Variants in P3H2 observed in about 807,000 individuals in gnomAD.
The protein encoded by P3H2 is prolyl 3-hydroxylase 2, also known as leprecan-like 1.
P3H2 carries 80 observed loss-of-function variants against 87.0 expected under a neutral mutation model. The ratio of observed to expected loss-of-function variants is 0.92; its 90% CI spans 0.77 to 1.11. P3H2 has a LOEUF of 1.11. Ranked by LOEUF, P3H2 falls within the 50% of genes least tolerant of loss-of-function variation. The pLI, the probability that P3H2 is intolerant of heterozygous loss-of-function variation, is 0.00. For synonymous variants in P3H2, 367 were observed against 359.3 expected (o/e 1.02, Z -0.24); for missense variants, 1,001 against 923.9 (o/e 1.08, Z -1.08).
At chr3:189,975,455 G>T (rs963435098) in intron 8 of P3H2, among the ~76,000 whole-genome samples, 2 of 152,068 alleles carry the variant, frequency 1.3e-5, no homozygotes, top group Non-Finnish European at 2.9e-5. Flanking sequence ...CAAAGCCTCT[G>T]ATAGAGAGGA....
intron 14 of P3H2, among the ~76,000 whole-genome samples, chr3:189,962,161 C>CTTTTTTTTTTTTTTTTTTTTT (rs770628547): frequency 1.8e-4 from 16 of 87,648 alleles, no homozygotes; most frequent in African/African-American, 2.8e-4. Context: ...TCTTCTTCTT[C>CTTTTTTTTTTTTTTTTTTTTT]TTTTTTTTTT....
rs1197957775 is a variant in P3H2, at chr3:190,028,780, G to T, written c.481-33338C>A. 2.0e-5 allele frequency among the ~76,000 whole-genome samples: 3 copies of T among 152,172 alleles called. No individual in the cohort carries two copies. The East Asian group carries it at 5.8e-4, about 29-fold the overall frequency. ...TTATTTTAATAATTGTTTGAATGGAGACACTCTATGTTTTACAATGATTTT... is the reference window on the plus strand; with the variant it reads ...TTATTTTAATAATTGTTTGAATGGATACACTCTATGTTTTACAATGATTTT... On this transcript the variant is annotated intron_variant, in intron 1 of 14. Transcript: ENST00000319332.
At chr3:190,103,902 G>A (rs1221476464) in intron 1 of P3H2, among the ~76,000 whole-genome samples, 3 of 151,532 alleles carry the variant, frequency 2.0e-5, no homozygotes, top group Admixed American at 6.6e-5. Flanking sequence ...ACCGATTCTC[G>A]TGCCTCAGCC....
rs548096232 is a variant in P3H2 at position 190,006,851 on chromosome 3, G to A, written c.481-11409C>T. On this transcript the variant is annotated intron_variant, in intron 1 of 14. Transcript: ENST00000319332. ...TAACGTGGCTCATGTGGAAGGTTTC[G>A]ATTCCAGAGTAATGGGAAACAAGGT... Among the ~76,000 whole-genome samples, 6 of 152,244 alleles carry A rather than the reference G, an allele frequency of 3.9e-5. No homozygotes were observed. The South Asian group carries it at 8.3e-4, about 21-fold the overall frequency.
In P3H2 at chr3:190,029,409, C is replaced by T. The variant is rs528160273; in HGVS notation, c.481-33967G>A. The stretch of plus-strand genomic sequence containing the variant: ...ACTTGACAATTTCATTTGGTGAGAA[C>T]TGTTTATTCATTCACATGCCAAGTT... On this transcript the variant is annotated intron_variant, in intron 1 of 14. Coordinates refer to ENST00000319332, the MANE Select transcript of P3H2 (RefSeq NM_018192.4). 9.0e-4 allele frequency among the ~76,000 whole-genome samples: 137 copies of T among 152,272 alleles called. 1 individual carries two copies. Among genetic ancestry groups the T allele is most frequent in the Middle Eastern group, 6.8e-3 (2 of 294 alleles).
At chr3:190,037,848 A>G (rs548594207) in intron 1 of P3H2, among the ~76,000 whole-genome samples, 1 of 152,312 alleles carries the variant, frequency 6.6e-6, no homozygotes, top group South Asian at 2.1e-4. Context: ...GAATATTTCT[A>G]TTGCAATGAA....
chr3:190,074,891 C>T (rs1375781105), intron 1 of P3H2, among the ~76,000 whole-genome samples: 4 of 152,176 alleles, frequency 2.6e-5, no homozygotes, highest in African/African-American at 9.7e-5. Context: ...AATACATGGT[C>T]AATGTGTACA....
At chr3:190,118,829 A>G (rs2108529580) in intron 1 of P3H2, among the ~76,000 whole-genome samples, 1 of 152,048 alleles carries the variant, frequency 6.6e-6, no homozygotes, top group Non-Finnish European at 1.5e-5. Flanking sequence ...AGCCGTGCTC[A>G]CGCCTATAAT....
chr3:190,053,183 C>T (rs1317087413), intron 1 of P3H2, among the ~76,000 whole-genome samples: 1 of 152,050 alleles, frequency 6.6e-6, no homozygotes, highest in Non-Finnish European at 1.5e-5. Flanking sequence ...TTTTAGCTAT[C>T]ACAAATAAAT....
chr3:190,020,688 AG>A (rs1418295105), intron 1 of P3H2, among the ~76,000 whole-genome samples: 1 of 133,600 alleles, frequency 7.5e-6, no homozygotes, highest in African/African-American at 2.6e-5. Context: ...AAGCCCATCC[AG>A]GGGTGTGGTG....
At chr3:189,999,121 A>G (rs1031713255) in intron 1 of P3H2, among the ~76,000 whole-genome samples, 1 of 152,242 alleles carries the variant, frequency 6.6e-6, no homozygotes, top group Non-Finnish European at 1.5e-5. Flanking sequence ...CTCTGAAATC[A>G]TCATTCATAC....
chr3:189,957,285 C>A lies in P3H2; in HGVS notation c.*627G>T. ...ACTTTGGAGAGTCGGAGCTCATGGC[C>A]GTTAGCACCTAAGGATGTGGCTGAA... is the stretch of plus-strand genomic sequence containing the variant. On this transcript the variant is annotated 3_prime_UTR_variant, in exon 15 of 15. Coordinates refer to ENST00000319332, the MANE Select transcript of P3H2 (RefSeq NM_018192.4). The A allele has an allele frequency of 2.5e-6, 1 of 399,404 alleles. No individual in the cohort carries two copies. Among genetic ancestry groups the A allele is most frequent in the South Asian group, 1.3e-4 (1 of 7,732 alleles). 24.7% of individuals were successfully genotyped at this position (399,404 alleles called of 1,614,324 possible). A position where few individuals can be genotyped will look rare whatever the true frequency, so the allele number is the denominator to read the frequency against.
At chr3:189,983,512 A>G (rs968335412) in intron 7 of P3H2, 1 of 191,084 alleles carries the variant, frequency 5.2e-6, no homozygotes. Context: ...CAACTGTTGA[A>G]TTGAAATAAA....
rs746012620 is a variant in P3H2 at position 189,988,915 on chromosome 3, T to C, written c.947A>G (p.Tyr316Cys). The change falls in exon 4 of 15, where the codon TAC becomes TGC. Residue 316 changes from tyrosine (Y) to cysteine (C), a missense_variant. Transcript: ENST00000319332. ...GATGATCCACGCTTTACCTCGATAG[T>C]AGGCAAACTGTAGGTAATCATAGTG... ...PLHYDYLQFAYYRVGEYVKAL... is the reference protein window; with the variant it reads ...PLHYDYLQFACYRVGEYVKAL... 5 of 1,613,960 alleles carry C rather than the reference T, an allele frequency of 3.1e-6. No individual in the cohort carries two copies. The highest frequency in any genetic ancestry group is 2.5e-6 in the Non-Finnish European group (3 of 1,180,016).
intron 2 of P3H2, among the ~76,000 whole-genome samples, chr3:189,995,075 T>A (rs1415905967): frequency 6.6e-6 from 1 of 152,090 alleles, no homozygotes; most frequent in African/African-American, 2.4e-5. Flanking sequence ...TTAGTTTTTT[T>A]ATTTCAACTT....
chr3:190,110,030 G>C (rs537802766), intron 1 of P3H2, among the ~76,000 whole-genome samples: 69 of 151,968 alleles, frequency 4.5e-4, no homozygotes, highest in African/African-American at 1.6e-3. Flanking sequence ...TGTATTTTTA[G>C]TAGAGTTGGG....
chr3:190,019,785 A>AAAAAATAT (rs1219688564), intron 1 of P3H2, among the ~76,000 whole-genome samples: 11 of 37,384 alleles, frequency 2.9e-4, no homozygotes, highest in African/African-American at 7.3e-4. Context: ...GAAATTAAAA[A>AAAAAATAT]ATATATATAT....
At chr3:190,048,104 C>T (rs996080163) in intron 1 of P3H2, among the ~76,000 whole-genome samples, 1 of 152,116 alleles carries the variant, frequency 6.6e-6, no homozygotes, top group African/African-American at 2.4e-5. Flanking sequence ...GCAGTTTCAC[C>T]AACACAACTA....
At chr3:190,036,037 T>C (rs112079203) in intron 1 of P3H2, among the ~76,000 whole-genome samples, 258 of 152,294 alleles carry the variant, frequency 1.7e-3, no homozygotes, top group African/African-American at 6.1e-3. Context: ...ATTGCAAGAA[T>C]TGTCTCTACT....
Sources: allele counts gnomAD v4.1 joint callset (sites outside exome capture counted in the v4.1 genomes callset), GRCh38; gene constraint gnomAD v4.1.1; transcripts MANE v1.5; gene names NCBI Gene and HGNC (gene_info 2026-07-23, HGNC 2026-07-21).